Variants in KDR observed in about 807,000 individuals in gnomAD.
KDR encodes vascular endothelial growth factor receptor 2.
In KDR, 43 loss-of-function variants were observed where a neutral mutation model predicts 160.9. That is an observed-to-expected ratio of 0.27 (90% CI 0.21 to 0.34). The LOEUF is 0.34. KDR is among the 10% of genes least tolerant of loss of function. The pLI is 1.00. For missense variants in KDR, 1,469 were observed against 1,666.4 expected (o/e 0.88, Z 2.06); for synonymous variants, 617 against 600.1 (o/e 1.03, Z -0.41).
chr4:55,086,822 G>A (rs753673381), intron 27 of KDR, among the ~76,000 whole-genome samples: 5 of 152,170 alleles, frequency 3.3e-5, no homozygotes, highest in African/African-American at 4.8e-5. Flanking sequence ...AGGCACACTC[G>A]GGCTGGCAGG....
chr4:55,114,016 T>C, intron 6 of KDR, 110 bp downstream of exon 6: 1 of 1,109,172 alleles, frequency 9.0e-7, no homozygotes, highest in South Asian at 1.2e-5. Flanking sequence ...TGTGTGTGTT[T>C]AAGGCTCTTA....
chr4:55,115,499 A>G (rs888129733), intron 3 of KDR, 88 bp from the exon 4 acceptor site: 5 of 748,380 alleles, frequency 6.7e-6, no homozygotes, highest in Admixed American at 5.8e-5. Context: ...CTAACCAGAC[A>G]AGTGAATGAC....
At chr4:55,111,302 C>T (rs936768179) in intron 7 of KDR, among the ~76,000 whole-genome samples, 2 of 152,196 alleles carry the variant, frequency 1.3e-5, no homozygotes, top group Non-Finnish European at 2.9e-5. Context: ...ACAGGCATCT[C>T]CAGATAAACA....
chr4:55,109,303 G>A (rs757427138), intron 9 of KDR, among the ~76,000 whole-genome samples: 2 of 151,828 alleles, frequency 1.3e-5, no homozygotes, highest in Non-Finnish European at 2.9e-5. Context: ...GGCTGGTCTC[G>A]AACTCCTGAC....
In KDR at chr4:55,107,873, T is replaced by C; in HGVS notation, c.1276A>G (p.Lys426Glu). 1 of 1,613,950 alleles carries C rather than the reference T, an allele frequency of 6.2e-7. No individual in the cohort carries two copies. The highest frequency in any genetic ancestry group is 2.2e-5 in the East Asian group (1 of 44,860). ...VVYVPPQIGE[K>E]SLISPVDSYQ... Reference sequence around the variant, plus strand: ...GAATCCACAGGAGAGATTAGAGATTTCTCACCAATCTGGGGTGGGACTGAA... The same window carrying C: ...GAATCCACAGGAGAGATTAGAGATTCCTCACCAATCTGGGGTGGGACTGAA... Residue 426 changes from lysine to glutamate, a missense_variant, in exon 10 of 30, where the codon AAA becomes GAA. By Grantham distance (56) the Lys-to-Glu change is moderately conservative. Around this residue, in one of 7 missense-constraint regions of KDR, gnomAD observed 792 missense variants for 840.9 expected, o/e 0.94. Coordinates refer to ENST00000263923, the MANE Select transcript of KDR (RefSeq NM_002253.4).
intron 2 of KDR, among the ~76,000 whole-genome samples, chr4:55,120,034 T>C (rs1421889021): frequency 6.6e-6 from 1 of 152,166 alleles, no homozygotes; most frequent in African/African-American, 2.4e-5. Flanking sequence ...AATAACCTTG[T>C]TATCGAGGGT....
chr4:55,097,302 C>T (rs1034371346), intron 18 of KDR, among the ~76,000 whole-genome samples: 7 of 152,110 alleles, frequency 4.6e-5, no homozygotes, highest in African/African-American at 1.7e-4. Context: ...CTTTCCATGT[C>T]TCTAGATGGT....
At chr4:55,098,396 T>TTATTG in intron 16 of KDR, 124 bp from the exon 17 acceptor site, 1 of 1,197,134 alleles carries the variant, frequency 8.4e-7, no homozygotes, top group Non-Finnish European at 1.2e-6. Flanking sequence ...TCATGGAGTT[T>TTATTG]GAGAGTGGTC....
intron 1 of KDR, 79 bp downstream of exon 1, chr4:55,125,148 C>A (rs1720998339): frequency 7.7e-7 from 1 of 1,297,932 alleles, no homozygotes; most frequent in African/African-American, 1.5e-5. Flanking sequence ...CTCTACGATT[C>A]CGAGTTAGAT....
rs758252991 is a variant in KDR at position 55,121,125 on chromosome 4, C to T, written c.133G>A (p.Ala45Thr). The T allele has an allele frequency of 6.2e-7, 1 of 1,613,114 alleles. No individual in the cohort carries two copies. The highest frequency in any genetic ancestry group is 8.5e-7 in the Non-Finnish European group (1 of 1,179,222). The change falls in exon 2 of 30, where the codon GCT becomes ACT. Residue 45 changes from alanine (A) to threonine (T), a missense_variant. Ala to Thr is a moderately conservative substitution (Grantham distance 58). This residue lies in a region of KDR where 792 missense variants were observed against 840.9 expected (regional missense o/e 0.94). Transcript: ENST00000263923. ...SIQKDILTIK[A>T]NTTLQITCRG... ...CAAGTAATTTGAAGAGTTGTATTAG[C>T]CTTAATTGTAAGTATGTCTTTTTGT...
intron 2 of KDR, among the ~76,000 whole-genome samples, chr4:55,120,845 T>TGTGC (rs1334434128): frequency 1.5e-4 from 2 of 13,346 alleles, no homozygotes; most frequent in Non-Finnish European, 1.9e-4. Flanking sequence ...GGTGTGTATT[T>TGTGC]GTGTGCGTGT....
chr4:55,096,280 C>G lies in KDR; in HGVS notation c.2677G>C (p.Gly893Arg), dbSNP rs987815688. ...AGGTTGACCACATTGAGATGGTGAC[C>G]AATATGAATGAGGATCTTGAGTTCA... ...MSELKILIHI[G>R]HHLNVVNLLG... The change falls in exon 19 of 30, where the codon GGT becomes CGT. Residue 893 changes from glycine to arginine, a missense_variant. Physicochemically the swap from Gly to Arg is moderately radical, Grantham distance 125. Coordinates refer to ENST00000263923, the MANE Select transcript of KDR (RefSeq NM_002253.4). 3 of 1,613,538 alleles carry G rather than the reference C, an allele frequency of 1.9e-6. No individual in the cohort carries two copies. The highest frequency in any genetic ancestry group is 2.5e-6 in the Non-Finnish European group (3 of 1,179,810).
At position 55,087,601 on chromosome 4, in the gene KDR, C is replaced by T. The variant is rs1719894773; in HGVS notation, c.3662+6G>A. 4 of 1,614,016 alleles carry T rather than the reference C, an allele frequency of 2.5e-6. No individual in the cohort carries two copies. Among genetic ancestry groups the T allele is most frequent in the Non-Finnish European group, 3.4e-6 (4 of 1,179,904 alleles). On this transcript the variant is annotated splice_donor_region_variant and intron_variant, in intron 27 of 29. Transcript: ENST00000263923. ...CCCCCGGGGGATGTTAGGCCATATA[C>T]AGTACCTGATTCCTGCTGTGTTGTC...
Position 55,079,862 on chromosome 4 carries a change from G to T in KDR, c.*79C>A, listed in dbSNP as rs937239365. The T allele has an allele frequency of 7.8e-7, 1 of 1,276,058 alleles. No homozygotes were observed. Among genetic ancestry groups the T allele is most frequent in the African/African-American group, 1.5e-5 (1 of 68,248 alleles). 79.0% of individuals were successfully genotyped at this position (1,276,058 alleles called of 1,614,324 possible). On this transcript the variant is annotated 3_prime_UTR_variant, in exon 30 of 30. Coordinates refer to ENST00000263923, the MANE Select transcript of KDR (RefSeq NM_002253.4). ...AAATCAAATGCGGCTACTTCCTGCT[G>T]GTGGAAAGAACAACACTTGAAAATC...
chr4:55,098,661 C>T (rs762049331), intron 16 of KDR, 36 bp downstream of exon 16: 3 of 1,483,194 alleles, frequency 2.0e-6, no homozygotes. Context: ...TCATGAAAAC[C>T]AATGTGCATG....
chr4:55,101,874 A>G lies in KDR; in HGVS notation c.2266+23T>C, dbSNP rs778118239. The G allele has an allele frequency of 5.0e-6, 8 of 1,594,986 alleles. No homozygotes were observed. In the East Asian group the frequency reaches 1.6e-4, roughly 31 times the overall value. ...TAGCATTCCATGGTGTATATGTACCACATTTTTTTTTATCCCACTGACCTT... is the reference window on the plus strand; with the variant it reads ...TAGCATTCCATGGTGTATATGTACCGCATTTTTTTTTATCCCACTGACCTT... On this transcript the variant is annotated intron_variant, in intron 15 of 29. Transcript: ENST00000263923.
At chr4:55,111,282 T>G (rs1720576583) in intron 7 of KDR, among the ~76,000 whole-genome samples, 1 of 152,242 alleles carries the variant, frequency 6.6e-6, no homozygotes, top group African/African-American at 2.4e-5. Context: ...TATCTCCACT[T>G]GGATGTTTAA....
intron 22 of KDR, among the ~76,000 whole-genome samples, chr4:55,091,684 A>T (rs1720022629): frequency 6.6e-6 from 1 of 152,174 alleles, no homozygotes; most frequent in South Asian, 2.1e-4. Flanking sequence ...TTTCATTCTA[A>T]TTTAGGAAAA....
intron 22 of KDR, chr4:55,092,211 C>T (rs1720035440): frequency 7.0e-6 from 2 of 287,352 alleles, no homozygotes; most frequent in Non-Finnish European, 1.4e-5. Flanking sequence ...CCTGTGTATT[C>T]TATAACCCTT....
Sources: gnomAD v4.1 joint callset for allele counts (sites outside exome capture counted in the v4.1 genomes callset) on GRCh38, gnomAD v4.1.1 for gene constraint, gnomAD v4.1.1 regional missense constraint, MANE v1.5 for transcripts, NCBI Gene and HGNC (gene_info 2026-07-23, HGNC 2026-07-21) for gene names.